COX16: variants seen among roughly 807,000 people sequenced by gnomAD.
The protein encoded by COX16 is cytochrome c oxidase assembly factor COX16.
Under a neutral mutation model 15.4 loss-of-function variants are expected in COX16, and 12 were observed. That is an observed-to-expected ratio of 0.78 (90% confidence interval 0.50 to 1.26). The LOEUF (loss-of-function observed/expected upper bound fraction) is 1.26. Among genes scored for constraint, COX16 ranks in the 50% most tolerant of loss-of-function variants. The probability of loss-of-function intolerance (pLI) is 0.00; values close to 1 mark genes in which losing one functional copy is unlikely to be tolerated. For synonymous variants in COX16, 46 were observed against 41.1 expected (o/e 1.12, Z -0.46); for missense variants, 124 against 127.6 (o/e 0.97, Z 0.14).
intron 1 of COX16, among the ~76,000 whole-genome samples, chr14:70,349,684 C>T (rs918953958): frequency 7.2e-5 from 11 of 152,154 alleles, no homozygotes; most frequent in African/African-American, 2.2e-4. Context: ...TAAGGCTCTG[C>T]GCAACACCAA....
At chr14:70,341,825 T>C (rs772663092) in intron 2 of COX16, among the ~76,000 whole-genome samples, 1 of 152,162 alleles carries the variant, frequency 6.6e-6, no homozygotes, top group Non-Finnish European at 1.5e-5. Context: ...TAGCAAGACA[T>C]AACCCCATTA....
chr14:70,358,264 T>G (rs1372612631), intron 1 of COX16, among the ~76,000 whole-genome samples: 1 of 152,032 alleles, frequency 6.6e-6, no homozygotes, highest in Non-Finnish European at 1.5e-5. Flanking sequence ...GATGCTTTTT[T>G]GGGGGCAATG....
chr14:70,355,864 T>C (rs1464275152), intron 1 of COX16, among the ~76,000 whole-genome samples: 1 of 152,104 alleles, frequency 6.6e-6, no homozygotes, highest in Non-Finnish European at 1.5e-5. Flanking sequence ...CTTGAGGCTG[T>C]CCTTGTGGTA....
chr14:70,356,201 T>C (rs558746223), intron 1 of COX16, among the ~76,000 whole-genome samples: 2,240 of 102,598 alleles, frequency 0.022, 60 homozygotes, highest in African/African-American at 0.077. Context: ...TTTCCACAGA[T>C]GGTGGCGGGG....
chr14:70,359,333 G>A (rs1887227275), intron 1 of COX16, 186 bp downstream of exon 1: 1 of 666,064 alleles, frequency 1.5e-6, no homozygotes, highest in Non-Finnish European at 2.8e-6. Flanking sequence ...GGACAGCGGC[G>A]GGGAAGTGGG....
rs369183126 is a variant in COX16, at chr14:70,326,674, G to A, written c.205-225C>T. ...ATGCCTATCTTACGCCACCTTAACC[G>A]TAAAACTATTAAAATAGAGAAAGAG... On this transcript the variant is annotated intron_variant, in intron 3 of 3. Transcript: ENST00000389912. Among the ~76,000 whole-genome samples the A allele has an allele frequency of 2.1e-4, 32 of 152,204 alleles. No homozygotes were observed. The South Asian group carries it at 5.4e-3, about 26-fold the overall frequency.
chr14:70,328,072 A>ATTTTGTTTTTTTT (rs1886143122), intron 3 of COX16: 1 of 80,840 alleles, frequency 1.2e-5, no homozygotes, highest in Non-Finnish European at 2.2e-5. Flanking sequence ...TGAGAATAAG[A>ATTTTGTTTTTTTT]TTTTTTTTTT....
At chr14:70,352,636 T>C (rs977549698) in intron 1 of COX16, among the ~76,000 whole-genome samples, 2 of 108,338 alleles carry the variant, frequency 1.8e-5, no homozygotes, top group African/African-American at 6.2e-5. Flanking sequence ...AATATATTTC[T>C]TTTTTTTTCT....
chr14:70,353,058 C>G lies in COX16; in HGVS notation c.69+6461G>C, dbSNP rs546313823. ...CGGGAGAATCACGAGGTCAGGAGTTCAAGACCAGCCTGGCCAATACGGTGA... is the reference window on the plus strand; with the variant it reads ...CGGGAGAATCACGAGGTCAGGAGTTGAAGACCAGCCTGGCCAATACGGTGA... On this transcript the variant is annotated intron_variant, in intron 1 of 3. Coordinates refer to ENST00000389912, the MANE Select transcript of COX16 (RefSeq NM_016468.7). Among the ~76,000 whole-genome samples the G allele has an allele frequency of 1.2e-4, 18 of 152,004 alleles. No individual in the cohort carries two copies. The South Asian group carries it at 3.7e-3, about 32-fold the overall frequency.
chr14:70,336,630 A>C (rs1886465417), intron 2 of COX16, among the ~76,000 whole-genome samples: 1 of 152,242 alleles, frequency 6.6e-6, no homozygotes, highest in South Asian at 2.1e-4. Context: ...AGAAAACAGC[A>C]AATGACCTAC....
At chr14:70,358,035 T>C (rs931179382) in intron 1 of COX16, among the ~76,000 whole-genome samples, 5 of 152,238 alleles carry the variant, frequency 3.3e-5, no homozygotes, top group African/African-American at 1.2e-4. Flanking sequence ...AATGGAATTA[T>C]ATCCATCAAA....
intron 1 of COX16, among the ~76,000 whole-genome samples, chr14:70,345,272 T>C (rs1169529706): frequency 6.6e-6 from 1 of 152,236 alleles, no homozygotes; most frequent in African/African-American, 2.4e-5. Context: ...ATATCCAGTG[T>C]TGGTCCAAGA....
At chr14:70,338,316 T>G (rs1274483403) in intron 2 of COX16, among the ~76,000 whole-genome samples, 1 of 152,198 alleles carries the variant, frequency 6.6e-6, no homozygotes, top group Non-Finnish European at 1.5e-5. Flanking sequence ...CTTCACCATA[T>G]TGCCCAGGCT....
chr14:70,358,385 T>TA (rs1566608606), intron 1 of COX16, among the ~76,000 whole-genome samples: 6 of 146,658 alleles, frequency 4.1e-5, no homozygotes, highest in African/African-American at 1.5e-4. Flanking sequence ...TTTTTTTTTT[T>TA]TTTTTTTTTG....
rs550748937 is a variant in COX16 at position 70,342,351 on chromosome 14, CAA to C, written c.141+305_141+306del. On this transcript the variant is annotated intron_variant, in intron 2 of 3. Transcript: ENST00000389912. ...ATCTCAGCTACTCGGGAGGCTGAGACAAGAGAATTGCTTGAGCCTGGGAGGCA... is the reference window on the plus strand; with the variant it reads ...ATCTCAGCTACTCGGGAGGCTGAGACGAGAATTGCTTGAGCCTGGGAGGCA... Among the ~76,000 whole-genome samples, 21 of 152,220 alleles carry C rather than the reference CAA, an allele frequency of 1.4e-4. 1 individual carries two copies. The highest frequency in any genetic ancestry group is 2.5e-4 in the Non-Finnish European group (17 of 68,026).
chr14:70,340,716 CAG>C (rs1402035950), intron 2 of COX16, among the ~76,000 whole-genome samples: 2 of 152,154 alleles, frequency 1.3e-5, no homozygotes, highest in African/African-American at 4.8e-5. Context: ...ACTCCACTGC[CAG>C]AGAGTTAGTT....
rs375617433 is a variant in COX16, at chr14:70,326,105, T to TA, written c.*227dup. On this transcript the variant is annotated 3_prime_UTR_variant, in exon 4 of 4. Coordinates refer to ENST00000389912, the MANE Select transcript of COX16 (RefSeq NM_016468.7). ...TATTCACATTTTTTATTTCGAGGTG[T>TA]AAAATATACGTGGCCAACATTGTTA... The TA allele has an allele frequency of 8.3e-4, 222 of 266,812 alleles. No homozygotes were observed. Among genetic ancestry groups the TA allele is most frequent in the African/African-American group, 4.5e-3 (206 of 45,300 alleles). The allele number at this position is 266,812 out of a possible 1,614,324, so 16.5% of individuals were successfully genotyped here.
intron 3 of COX16, among the ~76,000 whole-genome samples, chr14:70,327,554 A>G (rs534819994): frequency 6.6e-6 from 1 of 152,294 alleles, no homozygotes; most frequent in South Asian, 2.1e-4. Context: ...AGGAGTCTGT[A>G]TTACATATAT....
At chr14:70,326,851 A>G (rs1351239501) in intron 3 of COX16, among the ~76,000 whole-genome samples, 2 of 152,214 alleles carry the variant, frequency 1.3e-5, no homozygotes, top group South Asian at 2.1e-4. Context: ...TGGAGACCCT[A>G]AAGTCTTCTA....
Sources: allele counts gnomAD v4.1 joint callset (sites outside exome capture counted in the v4.1 genomes callset), GRCh38; gene constraint gnomAD v4.1.1; transcripts MANE v1.5; gene names NCBI Gene and HGNC (gene_info 2026-07-23, HGNC 2026-07-21).